CNTN4: variants seen among roughly 807,000 people sequenced by gnomAD.
CNTN4 encodes the protein contactin 4.
Under a neutral mutation model 122.5 loss-of-function variants are expected in CNTN4, and 77 were observed. The ratio of observed to expected loss-of-function variants is 0.63; its 90% CI spans 0.52 to 0.76. The LOEUF (loss-of-function observed/expected upper bound fraction) is 0.76, where lower values mean the gene tolerates loss of function less well. CNTN4 is among the 30% of genes least tolerant of loss of function. The pLI is 0.00. For synonymous variants in CNTN4, 512 were observed against 447.0 expected (o/e 1.15, Z -1.83); for missense variants, 1,256 against 1,259.1 (o/e 1.00, Z 0.04).
intron 3 of CNTN4, among the ~76,000 whole-genome samples, chr3:2,496,913 G>A (rs1008831661): frequency 2.0e-5 from 3 of 152,140 alleles, no homozygotes; most frequent in African/African-American, 7.2e-5. Flanking sequence ...GGAGTCTGAA[G>A]GCTTGAGAAT....
chr3:2,578,146 A>G lies in CNTN4; in HGVS notation c.55+6588A>G, dbSNP rs544894517. Among the ~76,000 whole-genome samples the G allele has an allele frequency of 9.8e-5, 15 of 152,298 alleles. No individual in the cohort carries two copies. The East Asian group carries it at 1.7e-3, about 18-fold the overall frequency. The stretch of plus-strand genomic sequence containing the variant: ...TGTAGCTTGAATCTATGATAGACAA[A>G]AATATATACAAACCTGCAATGAGAA... On this transcript the variant is annotated intron_variant, in intron 4 of 24. Coordinates refer to ENST00000418658, the MANE Select transcript of CNTN4 (RefSeq NM_175607.3).
Position 2,122,022 on chromosome 3 carries a change from G to A in CNTN4, c.-145+21383G>A, listed in dbSNP as rs541674518. 9.9e-4 allele frequency among the ~76,000 whole-genome samples: 134 copies of A among 135,366 alleles called. 1 individual carries two copies. Among genetic ancestry groups the A allele is most frequent in the Non-Finnish European group, 1.6e-3 (97 of 59,668 alleles). 88.8% of individuals were successfully genotyped at this position (135,366 alleles called of 152,430 possible). A position where few individuals can be genotyped will look rare whatever the true frequency, so the allele number is the denominator to read the frequency against. ...TACAAAAAAATTAGCCGGGCGTGGT[G>A]GCGGCGCCTGTAGTCCCAGCTACTC... On this transcript the variant is annotated intron_variant, in intron 2 of 24. Coordinates refer to ENST00000418658, the MANE Select transcript of CNTN4 (RefSeq NM_175607.3).
intron 14 of CNTN4, among the ~76,000 whole-genome samples, chr3:3,019,505 G>A (rs942459149): frequency 2.0e-5 from 3 of 151,782 alleles, no homozygotes; most frequent in Admixed American, 6.6e-5. Context: ...ATGTTGGCCA[G>A]GCTGGTCTGG....
At chr3:2,374,314 A>C (rs2045741467) in intron 3 of CNTN4, among the ~76,000 whole-genome samples, 1 of 152,222 alleles carries the variant, frequency 6.6e-6, no homozygotes, top group African/African-American at 2.4e-5. Flanking sequence ...CAGCTCCCTT[A>C]AAATCATTCT....
chr3:2,453,736 G>C (rs1217227369), intron 3 of CNTN4, among the ~76,000 whole-genome samples: 6 of 152,222 alleles, frequency 3.9e-5, no homozygotes, highest in African/African-American at 1.4e-4. Flanking sequence ...ATTCAGTTAA[G>C]ACTTTATTTA....
At chr3:3,019,533 G>C (rs1698077124) in intron 14 of CNTN4, among the ~76,000 whole-genome samples, 1 of 151,754 alleles carries the variant, frequency 6.6e-6, no homozygotes, top group South Asian at 2.1e-4. Flanking sequence ...GGCCTCAAGT[G>C]ATCTGCCTGC....
intron 4 of CNTN4, among the ~76,000 whole-genome samples, chr3:2,626,072 G>C (rs971369820): frequency 1.3e-5 from 2 of 152,198 alleles, no homozygotes; most frequent in African/African-American, 4.8e-5. Flanking sequence ...TGTATTCTGG[G>C]CACTATCTTT....
At chr3:2,505,488 AT>A (rs2076709069) in intron 3 of CNTN4, among the ~76,000 whole-genome samples, 1 of 152,154 alleles carries the variant, frequency 6.6e-6, no homozygotes, top group Admixed American at 6.5e-5. Context: ...TTTTAGACCA[AT>A]CCTGCCCAAC....
chr3:2,484,882 C>T (rs1408687745), intron 3 of CNTN4, among the ~76,000 whole-genome samples: 2 of 152,218 alleles, frequency 1.3e-5, no homozygotes, highest in African/African-American at 4.8e-5. Flanking sequence ...GAGGCTGAGC[C>T]AGCTCCCTCT....
At chr3:2,443,560 A>G (rs2048514529) in intron 3 of CNTN4, among the ~76,000 whole-genome samples, 1 of 152,204 alleles carries the variant, frequency 6.6e-6, no homozygotes, top group Admixed American at 6.5e-5. Flanking sequence ...AGCAAAGAAT[A>G]CAAATCATCA....
intron 3 of CNTN4, among the ~76,000 whole-genome samples, chr3:2,393,454 A>C (rs138686629): frequency 0.011 from 1,727 of 152,254 alleles, 32 homozygotes; most frequent in African/African-American, 0.039. Flanking sequence ...GTAATCAGTC[A>C]TTCCTTTTTA....
At chr3:2,863,058 G>A (rs1382600416) in intron 7 of CNTN4, among the ~76,000 whole-genome samples, 8 of 152,126 alleles carry the variant, frequency 5.3e-5, no homozygotes, top group Admixed American at 5.2e-4. Flanking sequence ...TCTTTAAAAT[G>A]AAGAAATAGG....
At chr3:2,410,957 G>T (rs2047205753) in intron 3 of CNTN4, among the ~76,000 whole-genome samples, 1 of 152,128 alleles carries the variant, frequency 6.6e-6, no homozygotes, top group African/African-American at 2.4e-5. Context: ...GCTCTTAACT[G>T]TAGTCTCATG....
intron 7 of CNTN4, among the ~76,000 whole-genome samples, chr3:2,831,658 A>T (rs1409476023): frequency 1.3e-5 from 2 of 152,186 alleles, no homozygotes; most frequent in African/African-American, 4.8e-5. Flanking sequence ...AACCCCTGGA[A>T]AGGAGTTGTG....
chr3:2,101,028 T>C (rs1386601891), intron 2 of CNTN4, among the ~76,000 whole-genome samples: 1 of 152,232 alleles, frequency 6.6e-6, no homozygotes, highest in Non-Finnish European at 1.5e-5. Context: ...AACAACACTT[T>C]TCAGTTTCTT....
intron 2 of CNTN4, among the ~76,000 whole-genome samples, chr3:2,143,266 G>A (rs2035089303): frequency 6.6e-6 from 1 of 152,092 alleles, no homozygotes; most frequent in Admixed American, 6.5e-5. Context: ...TTCTATTTGT[G>A]CATTTGGTTT....
intron 4 of CNTN4, among the ~76,000 whole-genome samples, chr3:2,572,206 G>A (rs2079452996): frequency 2.6e-5 from 4 of 152,114 alleles, no homozygotes; most frequent in South Asian, 2.1e-4. Flanking sequence ...GAGTAACATG[G>A]CGAAAGCTCA....
At chr3:2,916,802 C>T (rs2094364586) in intron 12 of CNTN4, among the ~76,000 whole-genome samples, 1 of 150,454 alleles carries the variant, frequency 6.6e-6, no homozygotes, top group Non-Finnish European at 1.5e-5. Context: ...CCCCACCTCC[C>T]AGACGGGGCC....
chr3:2,459,709 C>A (rs1419920333), intron 3 of CNTN4, among the ~76,000 whole-genome samples: 2 of 152,042 alleles, frequency 1.3e-5, no homozygotes, highest in African/African-American at 4.8e-5. Context: ...GTGTTTAAGT[C>A]TTTTATTAGA....
Sources: allele counts gnomAD v4.1 joint callset (sites outside exome capture counted in the v4.1 genomes callset), GRCh38; gene constraint gnomAD v4.1.1; transcripts MANE v1.5; gene names NCBI Gene and HGNC (gene_info 2026-07-23, HGNC 2026-07-21).